LRRC49: variants seen among roughly 807,000 people sequenced by gnomAD.
LRRC49 encodes the protein leucine-rich repeat-containing protein 49.
In LRRC49, 50 loss-of-function variants were observed where a neutral mutation model predicts 83.3. That is an observed-to-expected ratio of 0.60 (90% CI 0.48 to 0.76). The LOEUF (loss-of-function observed/expected upper bound fraction) is 0.76, where lower values mean the gene tolerates loss of function less well. Among genes scored for constraint, LRRC49 ranks in the 30% least tolerant of loss-of-function variants. LRRC49 has a pLI of 0.00. For missense variants in LRRC49, 704 were observed against 809.1 expected (o/e 0.87, Z 1.58); for synonymous variants, 286 against 283.3 (o/e 1.01, Z -0.10).
chr15:70,867,905 T>C lies in LRRC49; in HGVS notation c.-298-5003T>C, dbSNP rs376628092. Among the ~76,000 whole-genome samples, 14 of 152,124 alleles carry C rather than the reference T, an allele frequency of 9.2e-5. No individual in the cohort carries two copies. In the South Asian group the frequency reaches 1.2e-3, roughly 14 times the overall value. ...AAAGTGGACTAGTCTGATCTAGAGG[T>C]TGTGGGGTGAGGTGCTCTGTACTCC... On this transcript the variant is annotated intron_variant, in intron 1 of 16. Transcript: ENST00000544974.
intron 1 of LRRC49, chr15:70,854,178 G>C: frequency 1.0e-6 from 1 of 978,126 alleles, no homozygotes; most frequent in Non-Finnish European, 1.3e-6. Context: ...GGCGGGGGCG[G>C]TGCGAGCGCG....
chr15:70,961,951 C>G (rs1251705450), intron 8 of LRRC49, among the ~76,000 whole-genome samples: 3 of 152,140 alleles, frequency 2.0e-5, no homozygotes, highest in Non-Finnish European at 4.4e-5. Context: ...ACAAGAGAAT[C>G]TAACTGTATT....
chr15:71,052,050 T>G lies in LRRC49; in HGVS notation c.*2438T>G, dbSNP rs971565244. On this transcript the variant is annotated 3_prime_UTR_variant, in exon 16 of 16. Coordinates refer to ENST00000260382, the MANE Select transcript of LRRC49 (RefSeq NM_017691.5). ...TACACTCCAAACTCATTTTGCGTTCTGAAGTTCCTTGGTGAAGATAATCCC... is the reference window on the plus strand; with the variant it reads ...TACACTCCAAACTCATTTTGCGTTCGGAAGTTCCTTGGTGAAGATAATCCC... 8 of 152,278 alleles carry G rather than the reference T, an allele frequency of 5.3e-5. No homozygotes were observed. The highest frequency in any genetic ancestry group is 1.2e-4 in the African/African-American group (5 of 41,470). 9.4% of individuals were successfully genotyped at this position (152,278 alleles called of 1,614,324 possible). A position where few individuals can be genotyped will look rare whatever the true frequency, so the allele number is the denominator to read the frequency against.
intron 7 of LRRC49, among the ~76,000 whole-genome samples, chr15:70,924,470 A>T (rs2035123103): frequency 6.6e-6 from 1 of 151,948 alleles, no homozygotes; most frequent in African/African-American, 2.4e-5. Flanking sequence ...AGCATTTTAA[A>T]ATATACACTT....
intron 9 of LRRC49, among the ~76,000 whole-genome samples, chr15:70,972,295 A>C (rs190833780): frequency 2.0e-5 from 3 of 152,300 alleles, no homozygotes; most frequent in Admixed American, 2.0e-4. Flanking sequence ...TTTCTTTAAG[A>C]ATGTTGAATA....
Position 70,981,687 on chromosome 15 carries a change from A to G in LRRC49, c.1005+1503A>G, listed in dbSNP as rs138602063. Among the ~76,000 whole-genome samples, 358 of 152,118 alleles carry G rather than the reference A, an allele frequency of 2.4e-3. 5 individuals are homozygous for G. The highest frequency in any genetic ancestry group is 0.02 in the Middle Eastern group (6 of 294). ...GTCTTGCCTGGACTATGAAAAGTAGACTCAAATGGCAGAAACTGGAATTTG... is the reference window on the plus strand; with the variant it reads ...GTCTTGCCTGGACTATGAAAAGTAGGCTCAAATGGCAGAAACTGGAATTTG... On this transcript the variant is annotated intron_variant, in intron 10 of 15. Coordinates refer to ENST00000260382, the MANE Select transcript of LRRC49 (RefSeq NM_017691.5).
At chr15:70,974,753 A>G (rs2037146655) in intron 9 of LRRC49, among the ~76,000 whole-genome samples, 1 of 152,024 alleles carries the variant, frequency 6.6e-6, no homozygotes. Context: ...AAAGAAGGAT[A>G]TGAGATAGAG....
At chr15:70,994,753 G>A (rs1031780101) in intron 11 of LRRC49, among the ~76,000 whole-genome samples, 12 of 152,214 alleles carry the variant, frequency 7.9e-5, no homozygotes, top group Non-Finnish European at 1.6e-4. Context: ...GGGATTACAG[G>A]CATGAGCCAC....
intron 14 of LRRC49, among the ~76,000 whole-genome samples, chr15:71,023,146 A>G (rs1207932705): frequency 6.6e-6 from 1 of 152,230 alleles, no homozygotes; most frequent in Non-Finnish European, 1.5e-5. Context: ...GGATCAAGTT[A>G]AAGTGGTGCT....
At chr15:71,018,242 A>G (rs1378575908) in intron 14 of LRRC49, among the ~76,000 whole-genome samples, 1 of 152,212 alleles carries the variant, frequency 6.6e-6, no homozygotes, top group African/African-American at 2.4e-5. Context: ...GACAGGATGA[A>G]CACCTGGGAG....
At chr15:70,883,274 C>T (rs1291374477) in intron 2 of LRRC49, among the ~76,000 whole-genome samples, 1 of 151,908 alleles carries the variant, frequency 6.6e-6, no homozygotes, top group Non-Finnish European at 1.5e-5. Context: ...TCACTGCAAT[C>T]TCCGCCTGCC....
intron 2 of LRRC49, among the ~76,000 whole-genome samples, chr15:70,876,439 A>C (rs1009982526): frequency 3.6e-4 from 55 of 152,308 alleles, no homozygotes; most frequent in African/African-American, 1.3e-3. Context: ...CAAGGTGATA[A>C]ATGCCATGAT....
At chr15:71,039,015 A>G (rs1415141112) in intron 15 of LRRC49, among the ~76,000 whole-genome samples, 5 of 152,180 alleles carry the variant, frequency 3.3e-5, no homozygotes, top group East Asian at 1.9e-4. Flanking sequence ...TATCAAGAGC[A>G]TAGAGAGATA....
intron 14 of LRRC49, among the ~76,000 whole-genome samples, chr15:71,016,843 C>T (rs1038674826): frequency 8.5e-5 from 13 of 152,268 alleles, no homozygotes; most frequent in African/African-American, 2.9e-4. Flanking sequence ...TGGTGGCTCA[C>T]GCCTGTAGTC....
chr15:71,016,263 A>G (rs2038824040), intron 14 of LRRC49, among the ~76,000 whole-genome samples: 1 of 152,070 alleles, frequency 6.6e-6, no homozygotes, highest in Admixed American at 6.6e-5. Flanking sequence ...AAATACTTTA[A>G]TGCTTCTGAA....
intron 1 of LRRC49, chr15:70,859,421 T>C: frequency 1.3e-6 from 1 of 742,992 alleles, no homozygotes; most frequent in Non-Finnish European, 2.5e-6. Flanking sequence ...GGAGCTGCAG[T>C]CCCACATCTC....
rs538034966 is a variant in LRRC49, at chr15:70,878,487, TGATGTTGAATAAAAGTATTGAAGAATGG to T, written c.18+5265_18+5292del. Among the ~76,000 whole-genome samples, 641 of 152,344 alleles carry T rather than the reference TGATGTTGAATAAAAGTATTGAAGAATGG, an allele frequency of 4.2e-3. 2 individuals are homozygous for T. Among genetic ancestry groups the T allele is most frequent in the Non-Finnish European group, 6.8e-3 (464 of 68,030 alleles). The stretch of plus-strand genomic sequence containing the variant: ...ATTGCACCAACTAGGATCTTCAGTA[TGATGTTGAATAAAAGTATTGAAGAATGG>T]ACATCCTCACATTTTTCCTGATCTA... On this transcript the variant is annotated intron_variant, in intron 2 of 16. Coordinates refer to the LRRC49 transcript ENST00000544974.
At chr15:70,987,614 G>A (rs889979344) in intron 11 of LRRC49, among the ~76,000 whole-genome samples, 1 of 151,992 alleles carries the variant, frequency 6.6e-6, no homozygotes, top group South Asian at 2.1e-4. Flanking sequence ...TTTTTGAAGG[G>A]TTTTTTGTGT....
intron 8 of LRRC49, among the ~76,000 whole-genome samples, chr15:70,957,241 A>G (rs1449297088): frequency 6.6e-6 from 1 of 152,212 alleles, no homozygotes; most frequent in African/African-American, 2.4e-5. Context: ...TCTACTTAGC[A>G]ATGAGAAACA....
Sources: gnomAD v4.1 joint callset for allele counts (sites outside exome capture counted in the v4.1 genomes callset) on GRCh38, gnomAD v4.1.1 for gene constraint, MANE v1.5 for transcripts, NCBI Gene and HGNC (gene_info 2026-07-23, HGNC 2026-07-21) for gene names.